QTMAN: variants seen among roughly 807,000 people sequenced by gnomAD.
QTMAN encodes queuosine-tRNA mannosyltransferase.
chr2:144,303,490 G>A, the QTMAN span, among the ~76,000 whole-genome samples: 2 of 152,046 alleles, frequency 1.3e-5, no homozygotes, highest in African/African-American at 2.4e-5. Context: ...AACTAGGAGA[G>A]GAGTATTTTC....
chr2:144,238,468 G>C, the QTMAN span, among the ~76,000 whole-genome samples: 1 of 152,068 alleles, frequency 6.6e-6, no homozygotes, highest in African/African-American at 2.4e-5. Context: ...AAATTAAGTA[G>C]CATGTGATAC....
At chr2:144,177,473 C>T in the QTMAN span, among the ~76,000 whole-genome samples, 1 of 151,994 alleles carries the variant, frequency 6.6e-6, no homozygotes, top group African/African-American at 2.4e-5. Context: ...GCCTATACGA[C>T]AGCAAAGTCT....
chr2:144,262,480 G>A, the QTMAN span, among the ~76,000 whole-genome samples: 1 of 150,894 alleles, frequency 6.6e-6, no homozygotes, highest in Non-Finnish European at 1.5e-5. Context: ...TGAGGCAGGA[G>A]GATAGCTTGA....
At chr2:144,178,715 G>GA in the QTMAN span, 1 of 274,118 alleles carries the variant, frequency 3.6e-6, no homozygotes. Context: ...GGTAGGCCAG[G>GA]AACTAGTTAC....
the QTMAN span, among the ~76,000 whole-genome samples, chr2:144,147,202 C>T: frequency 6.6e-6 from 1 of 151,552 alleles, no homozygotes; most frequent in Admixed American, 6.6e-5. Flanking sequence ...AGACCAAAAG[C>T]CAGCAATCCC....
At chr2:144,142,060 A>C in the QTMAN span, 22 of 1,604,510 alleles carry the variant, frequency 1.4e-5, no homozygotes, top group African/African-American at 2.7e-5. Context: ...ACCAGGCTGT[A>C]AAGGTAAAAG....
the QTMAN span, among the ~76,000 whole-genome samples, chr2:144,054,184 T>C: frequency 1.3e-5 from 2 of 151,792 alleles, no homozygotes; most frequent in African/African-American, 2.4e-5. Flanking sequence ...TGAGACTCTG[T>C]CTCAAAAAAA....
the QTMAN span, among the ~76,000 whole-genome samples, chr2:144,317,075 A>G: frequency 7.2e-5 from 11 of 152,186 alleles, no homozygotes; most frequent in Admixed American, 7.2e-4. Flanking sequence ...TTCCATTGAT[A>G]TACTTACTCT....
the QTMAN span, among the ~76,000 whole-genome samples, chr2:144,326,586 CAA>C: frequency 9.1e-5 from 4 of 43,724 alleles, no homozygotes; most frequent in Non-Finnish European, 1.5e-4. Context: ...GACTCCATCT[CAA>C]AAAAAAAAAA....
At chr2:144,320,317 C>A in the QTMAN span, among the ~76,000 whole-genome samples, 176 of 152,190 alleles carry the variant, frequency 1.2e-3, 1 homozygote, top group African/African-American at 4.1e-3. Flanking sequence ...AACCCCTGGC[C>A]TAAATTATTT....
chr2:144,108,410 C>T, the QTMAN span, among the ~76,000 whole-genome samples: 9 of 152,236 alleles, frequency 5.9e-5, no homozygotes, highest in Non-Finnish European at 7.4e-5. Flanking sequence ...GAGACCAAGG[C>T]GGGCAGATCC....
At chr2:144,070,433 A>T in the QTMAN span, among the ~76,000 whole-genome samples, 1 of 152,182 alleles carries the variant, frequency 6.6e-6, no homozygotes, top group South Asian at 2.1e-4. Context: ...GTTTACATTT[A>T]TATTAACAAA....
At chr2:144,035,239 T>G in the QTMAN span, among the ~76,000 whole-genome samples, 1 of 152,186 alleles carries the variant, frequency 6.6e-6, no homozygotes, top group Non-Finnish European at 1.5e-5. Flanking sequence ...ACTTCTGCCA[T>G]GATTGTAAGT....
chr2:144,225,761 G>A, the QTMAN span, among the ~76,000 whole-genome samples: 2 of 152,218 alleles, frequency 1.3e-5, no homozygotes, highest in Middle Eastern at 3.4e-3. Flanking sequence ...TCAGCTAGTC[G>A]GAAGTAATTA....
the QTMAN span, among the ~76,000 whole-genome samples, chr2:144,134,041 A>G: frequency 6.6e-6 from 1 of 152,146 alleles, no homozygotes; most frequent in Non-Finnish European, 1.5e-5. Context: ...TTTTCCGGCA[A>G]CTTCCCTAAA....
the QTMAN span, among the ~76,000 whole-genome samples, chr2:144,023,364 C>T: frequency 1.3e-5 from 2 of 152,086 alleles, no homozygotes; most frequent in Non-Finnish European, 2.9e-5. Flanking sequence ...TTTACTTAAG[C>T]TCTTAGGCAA....
the QTMAN span, among the ~76,000 whole-genome samples, chr2:144,043,546 T>C: frequency 6.6e-6 from 1 of 151,778 alleles, no homozygotes; most frequent in Admixed American, 6.6e-5. Flanking sequence ...AGGCAGAGAA[T>C]TCCTTGAACC....
chr2:144,303,224 AG>A, the QTMAN span, among the ~76,000 whole-genome samples: 1 of 152,254 alleles, frequency 6.6e-6, no homozygotes, highest in Non-Finnish European at 1.5e-5. Flanking sequence ...GTATTACCAA[AG>A]AAACAGAGGC....
chr2:144,100,915 G>A, the QTMAN span, among the ~76,000 whole-genome samples: 1 of 134,344 alleles, frequency 7.4e-6, no homozygotes, highest in Non-Finnish European at 1.5e-5. Context: ...TGTCGCCCAG[G>A]CTGGACTGCA....
Sources: gnomAD v4.1 joint callset for allele counts (sites outside exome capture counted in the v4.1 genomes callset) on GRCh38, gnomAD v4.1.1 for gene constraint, MANE v1.5 for transcripts, NCBI Gene and HGNC (gene_info 2026-07-23, HGNC 2026-07-21) for gene names.